Variants in TBC1D22A observed in about 807,000 individuals in gnomAD.
TBC1D22A encodes TBC1 domain family member 22A.
In TBC1D22A, 38 loss-of-function variants were observed where a neutral mutation model predicts 60.2. The observed-to-expected ratio is 0.63, with a 90% CI of 0.49 to 0.83. The LOEUF (loss-of-function observed/expected upper bound fraction) is 0.83. Among genes scored for constraint, TBC1D22A ranks in the 40% least tolerant of loss-of-function variants. TBC1D22A has a pLI of 0.00. For missense variants in TBC1D22A, 628 were observed against 701.0 expected, an observed-to-expected ratio of 0.90 and a Z score of 1.18; for synonymous variants, 302 against 281.7, an observed-to-expected ratio of 1.07 and a Z score of -0.72.
chr22:46,941,780 A>G (rs1430295164), intron 8 of TBC1D22A, among the ~76,000 whole-genome samples: 1 of 144,372 alleles, frequency 6.9e-6, no homozygotes, highest in South Asian at 2.1e-4. Flanking sequence ...ATGTATACGG[A>G]ATATATATAG....
intron 10 of TBC1D22A, among the ~76,000 whole-genome samples, chr22:47,021,895 C>G: frequency 6.6e-6 from 1 of 152,310 alleles, no homozygotes; most frequent in East Asian, 1.9e-4. Flanking sequence ...AACTGCCACC[C>G]GCTTGCCACC....
chr22:46,791,159 C>T (rs1021009552), intron 1 of TBC1D22A, among the ~76,000 whole-genome samples: 14 of 152,298 alleles, frequency 9.2e-5, no homozygotes, highest in African/African-American at 3.4e-4. Flanking sequence ...GCTGGGACCA[C>T]AGGCTTATGT....
chr22:47,047,238 T>C (rs1003318516), intron 11 of TBC1D22A, among the ~76,000 whole-genome samples: 1 of 152,218 alleles, frequency 6.6e-6, no homozygotes, highest in African/African-American at 2.4e-5. Context: ...TAGAAATGCA[T>C]GGCCTGGGAA....
At chr22:46,910,073 T>G (rs2069798723) in intron 7 of TBC1D22A, among the ~76,000 whole-genome samples, 1 of 152,226 alleles carries the variant, frequency 6.6e-6, no homozygotes, top group Non-Finnish European at 1.5e-5. Flanking sequence ...TGGTCTTTGA[T>G]GTTAAATATT....
chr22:47,063,497 A>G (rs376494678), intron 11 of TBC1D22A, among the ~76,000 whole-genome samples: 20 of 152,150 alleles, frequency 1.3e-4, no homozygotes, highest in African/African-American at 4.3e-4. Flanking sequence ...GAGCCTGGCC[A>G]TTGTGGTACA....
At chr22:47,137,885 C>A (rs1262191671) in intron 12 of TBC1D22A, among the ~76,000 whole-genome samples, 1 of 152,110 alleles carries the variant, frequency 6.6e-6, no homozygotes, top group Non-Finnish European at 1.5e-5. Flanking sequence ...AGGAAACTGT[C>A]TCAGACAGGA....
At chr22:46,783,317 T>C (rs930465105) in intron 1 of TBC1D22A, among the ~76,000 whole-genome samples, 15 of 152,136 alleles carry the variant, frequency 9.9e-5, no homozygotes, top group Admixed American at 3.9e-4. Flanking sequence ...TTCTGGAGAG[T>C]AAGGCGGTGC....
At chr22:46,785,216 AATT>A (rs1450366171) in intron 1 of TBC1D22A, among the ~76,000 whole-genome samples, 1 of 152,140 alleles carries the variant, frequency 6.6e-6, no homozygotes, top group Non-Finnish European at 1.5e-5. Flanking sequence ...CTGGGGCTGG[AATT>A]ATAAGAGGGC....
intron 4 of TBC1D22A, among the ~76,000 whole-genome samples, chr22:46,812,986 G>A (rs779268566): frequency 1.4e-4 from 22 of 152,120 alleles, no homozygotes; most frequent in Admixed American, 2.6e-4. Flanking sequence ...GGAGCTGTCC[G>A]TGAGGTGATT....
intron 4 of TBC1D22A, among the ~76,000 whole-genome samples, chr22:46,872,432 G>T (rs867865248): frequency 1.1e-4 from 17 of 152,274 alleles, no homozygotes; most frequent in South Asian, 2.1e-4. Flanking sequence ...TTAGCAAATT[G>T]ACTTTTGCCT....
chr22:46,782,771 AGGATTCACCCAT>A (rs2083996833), intron 1 of TBC1D22A, among the ~76,000 whole-genome samples: 1 of 152,160 alleles, frequency 6.6e-6, no homozygotes, highest in Non-Finnish European at 1.5e-5. Context: ...TCATGTTGTC[AGGATTCACCCAT>A]GCTGTGTTGC....
At chr22:47,071,966 A>G (rs781712146) in intron 11 of TBC1D22A, among the ~76,000 whole-genome samples, 7 of 152,202 alleles carry the variant, frequency 4.6e-5, no homozygotes, top group Non-Finnish European at 8.8e-5. Context: ...GATAACACAC[A>G]TGGCTTAATG....
intron 4 of TBC1D22A, among the ~76,000 whole-genome samples, chr22:46,851,114 C>T (rs113335068): frequency 0.044 from 6,690 of 152,156 alleles, 515 homozygotes; most frequent in African/African-American, 0.15. Context: ...CACTGAGTCC[C>T]ACATGTTAAA....
intron 12 of TBC1D22A, among the ~76,000 whole-genome samples, chr22:47,118,641 G>T (rs2066158374): frequency 6.6e-6 from 1 of 152,192 alleles, no homozygotes; most frequent in Non-Finnish European, 1.5e-5. Flanking sequence ...CAAATGAATA[G>T]ATTAGAAGAC....
intron 8 of TBC1D22A, among the ~76,000 whole-genome samples, chr22:46,944,768 T>C (rs1211300988): frequency 6.6e-6 from 1 of 152,250 alleles, no homozygotes; most frequent in East Asian, 1.9e-4. Context: ...TGAGTGGAAT[T>C]GGTCTCACAT....
intron 4 of TBC1D22A, among the ~76,000 whole-genome samples, chr22:46,800,619 C>T (rs926263561): frequency 5.3e-5 from 8 of 152,090 alleles, no homozygotes; most frequent in South Asian, 2.1e-4. Flanking sequence ...TTCTTGTTTG[C>T]GTGATAGACA....
At chr22:47,114,850 G>C (rs1276299116) in intron 12 of TBC1D22A, among the ~76,000 whole-genome samples, 2 of 152,152 alleles carry the variant, frequency 1.3e-5, no homozygotes, top group Admixed American at 1.3e-4. Flanking sequence ...GGCCAGGGAG[G>C]GGGCGATGGG....
At chr22:47,110,567 T>A (rs182711074) in intron 11 of TBC1D22A, among the ~76,000 whole-genome samples, 22 of 152,364 alleles carry the variant, frequency 1.4e-4, no homozygotes, top group African/African-American at 4.6e-4. Flanking sequence ...TGTACTGAAG[T>A]GGCATCCCTC....
At chr22:47,147,238 G>T (rs1252266114) in intron 12 of TBC1D22A, among the ~76,000 whole-genome samples, 1 of 152,222 alleles carries the variant, frequency 6.6e-6, no homozygotes, top group Non-Finnish European at 1.5e-5. Context: ...AACCAACTCG[G>T]AGTCGGTCTG....
Sources: gnomAD v4.1 joint callset for allele counts (sites outside exome capture counted in the v4.1 genomes callset) on GRCh38, gnomAD v4.1.1 for gene constraint, MANE v1.5 for transcripts, NCBI Gene and HGNC (gene_info 2026-07-23, HGNC 2026-07-21) for gene names.